Variants in TLCD4 observed in about 807,000 individuals in gnomAD.
The protein encoded by TLCD4 is TLC domain containing 4, also known as TLC domain-containing protein 4.
Under a neutral mutation model 24.2 loss-of-function variants are expected in TLCD4, and 7 were observed. The ratio of observed to expected loss-of-function variants is 0.29; its 90% CI spans 0.16 to 0.54. TLCD4 has a LOEUF of 0.54. Among genes scored for constraint, TLCD4 ranks in the 20% least tolerant of loss-of-function variants. The pLI is 0.95. For missense variants in TLCD4, 259 were observed against 313.9 expected (o/e 0.82, Z 1.32); for synonymous variants, 103 against 106.4 (o/e 0.97, Z 0.20).
chr1:95,166,574 T>C (rs1678023057), intron 5 of TLCD4, among the ~76,000 whole-genome samples: 1 of 152,216 alleles, frequency 6.6e-6, no homozygotes, highest in South Asian at 2.1e-4. Context: ...CTGACTGTAA[T>C]GATCTGTCTA....
chr1:95,154,370 T>C (rs1254642206), intron 5 of TLCD4, among the ~76,000 whole-genome samples: 3 of 152,142 alleles, frequency 2.0e-5, no homozygotes, highest in Non-Finnish European at 4.4e-5. Context: ...TTAGGATAAA[T>C]TGAGTACTGA....
At chr1:95,099,266 C>T in the TLCD4 span, among the ~76,000 whole-genome samples, 1 of 151,260 alleles carries the variant, frequency 6.6e-6, no homozygotes, top group East Asian at 2.0e-4. Context: ...CCTCTCTACT[C>T]AGAAATGAAT....
At chr1:95,137,651 T>C (rs1187073983) in intron 1 of TLCD4, among the ~76,000 whole-genome samples, 1 of 151,972 alleles carries the variant, frequency 6.6e-6, no homozygotes, top group Non-Finnish European at 1.5e-5. Context: ...TTGCCCCTTC[T>C]TCCCCTCATC....
At chr1:95,150,395 A>T in intron 4 of TLCD4, 129 bp downstream of exon 4, 1 of 1,126,042 alleles carries the variant, frequency 8.9e-7, no homozygotes. Flanking sequence ...GGAAAAAAAT[A>T]CCTCCCATGA....
rs907698118 is a variant in TLCD4, at chr1:95,117,434, T to G, written c.-195T>G. On this transcript the variant is annotated 5_prime_UTR_variant, in exon 1 of 7. Coordinates refer to ENST00000370203, the MANE Select transcript of TLCD4 (RefSeq NM_152487.3). Reference sequence around the variant, plus strand: ...CCGCGGTAGCTGGAGCCTCCGCGACTGCACCTCCAAGCGGCCCGGAACCCG... The same window carrying G: ...CCGCGGTAGCTGGAGCCTCCGCGACGGCACCTCCAAGCGGCCCGGAACCCG... 4 of 152,272 alleles carry G rather than the reference T, an allele frequency of 2.6e-5. No homozygotes were observed. The highest frequency in any genetic ancestry group is 6.5e-5 in the Admixed American group (1 of 15,280). The allele number at this position is 152,272 out of a possible 1,614,324, so 9.4% of individuals were successfully genotyped here.
the TLCD4 span, among the ~76,000 whole-genome samples, chr1:95,106,610 T>G: frequency 6.6e-6 from 1 of 152,084 alleles, no homozygotes; most frequent in Non-Finnish European, 1.5e-5. Context: ...GAAGGATTGC[T>G]TGAACGTGGG....
chr1:95,153,271 C>G (rs963838256), intron 5 of TLCD4, among the ~76,000 whole-genome samples: 3 of 151,948 alleles, frequency 2.0e-5, no homozygotes, highest in African/African-American at 7.3e-5. Context: ...CTGAATTGTA[C>G]ACTTAAAAGT....
At position 95,193,738 on chromosome 1, in the gene TLCD4, A is replaced by G. The variant is rs888945947; in HGVS notation, c.*1870A>G. On this transcript the variant is annotated 3_prime_UTR_variant, in exon 7 of 7. Transcript: ENST00000370203. ...TTATTTTTGAAAGAATTAATGTAAAATAATAGTTATTTTTAAAGCAGCTAA... is the reference window on the plus strand; with the variant it reads ...TTATTTTTGAAAGAATTAATGTAAAGTAATAGTTATTTTTAAAGCAGCTAA... The G allele has an allele frequency of 6.6e-6, 1 of 152,128 alleles. No individual in the cohort carries two copies. The highest frequency in any genetic ancestry group is 2.4e-5 in the African/African-American group (1 of 41,456). 9.4% of individuals were successfully genotyped at this position (152,128 alleles called of 1,614,324 possible).
At chr1:95,119,451 G>T (rs1676513189) in intron 1 of TLCD4, among the ~76,000 whole-genome samples, 1 of 152,190 alleles carries the variant, frequency 6.6e-6, no homozygotes. Context: ...GGCTTTGTAG[G>T]TGTTGGAGAG....
At chr1:95,126,174 C>T (rs1676728763) in intron 1 of TLCD4, among the ~76,000 whole-genome samples, 1 of 151,780 alleles carries the variant, frequency 6.6e-6, no homozygotes, top group Admixed American at 6.6e-5. Context: ...TGCCTCTAAT[C>T]CCAGCACTTT....
intron 5 of TLCD4, among the ~76,000 whole-genome samples, chr1:95,153,452 G>A (rs1168063243): frequency 1.3e-5 from 2 of 152,040 alleles, no homozygotes; most frequent in African/African-American, 4.8e-5. Flanking sequence ...ACAAATGGGT[G>A]GAACTTAATA....
At chr1:95,167,785 G>T (rs559718945) in intron 5 of TLCD4, among the ~76,000 whole-genome samples, 1 of 152,118 alleles carries the variant, frequency 6.6e-6, no homozygotes, top group Non-Finnish European at 1.5e-5. Flanking sequence ...AACCATCACA[G>T]CTGTAAATCA....
At chr1:95,144,837 T>C (rs1677304127) in intron 2 of TLCD4, among the ~76,000 whole-genome samples, 1 of 152,018 alleles carries the variant, frequency 6.6e-6, no homozygotes, top group Non-Finnish European at 1.5e-5. Context: ...ATTACAGGCA[T>C]GCGCCACCAT....
the TLCD4 span, among the ~76,000 whole-genome samples, chr1:95,111,323 AAAAAG>A: frequency 7.4e-3 from 943 of 128,180 alleles, 5 homozygotes; most frequent in Admixed American, 0.018. Flanking sequence ...CAAAACAAAA[AAAAAG>A]AAAAGAAAAG....
intron 3 of TLCD4, among the ~76,000 whole-genome samples, chr1:95,149,172 T>G (rs1677427517): frequency 6.6e-6 from 1 of 152,184 alleles, no homozygotes; most frequent in African/African-American, 2.4e-5. Flanking sequence ...AATTTATGTT[T>G]GACTCATTTG....
upstream of TLCD4, among the ~76,000 whole-genome samples, chr1:95,116,019 C>T (rs893073871): frequency 2.7e-4 from 41 of 152,284 alleles, no homozygotes; most frequent in African/African-American, 9.4e-4. Flanking sequence ...TATGATGGGA[C>T]ACCGTGTGGT....
At chr1:95,129,117 C>T (rs1676819493) in intron 1 of TLCD4, among the ~76,000 whole-genome samples, 1 of 152,092 alleles carries the variant, frequency 6.6e-6, no homozygotes, top group Non-Finnish European at 1.5e-5. Flanking sequence ...AAATAAAGGT[C>T]TATTAGAAAT....
At chr1:95,124,355 GA>G (rs1676653024) in intron 1 of TLCD4, among the ~76,000 whole-genome samples, 1 of 152,172 alleles carries the variant, frequency 6.6e-6, no homozygotes, top group African/African-American at 2.4e-5. Context: ...GTCCAGAAGA[GA>G]AACCAAATCA....
At chr1:95,189,034 ACT>A (rs1440257326) in intron 6 of TLCD4, among the ~76,000 whole-genome samples, 5 of 152,188 alleles carry the variant, frequency 3.3e-5, no homozygotes, top group Non-Finnish European at 7.3e-5. Flanking sequence ...AAAATAGTTC[ACT>A]GTTTCCAAAT....
Sources: allele counts gnomAD v4.1 joint callset (sites outside exome capture counted in the v4.1 genomes callset), GRCh38; gene constraint gnomAD v4.1.1; transcripts MANE v1.5; gene names NCBI Gene and HGNC (gene_info 2026-07-23, HGNC 2026-07-21).